The following INPP5A variants were observed in gnomAD, a reference collection of about 807,000 sequenced individuals.
INPP5A encodes the protein 43 kDa inositol polyphosphate 5-phophatase.
INPP5A carries 14 observed loss-of-function variants against 65.2 expected under a neutral mutation model. That is an observed-to-expected ratio of 0.21 (90% CI 0.14 to 0.34). INPP5A has a LOEUF of 0.34. Ranked by LOEUF, INPP5A falls within the 10% of genes least tolerant of loss-of-function variation. The pLI, the probability that INPP5A is intolerant of heterozygous loss-of-function variation, is 1.00. For synonymous variants in INPP5A, 207 were observed against 208.3 expected, an observed-to-expected ratio of 0.99 and a Z score of 0.05; for missense variants, 431 against 545.6, an observed-to-expected ratio of 0.79 and a Z score of 2.09.
Position 132,627,909 on chromosome 10 carries a change from G to GGGTGTGGAGAGAAACTGGAGATAAGGGAC in INPP5A, c.118-17957_118-17929dup, listed in dbSNP as rs1564939979. On this transcript the variant is annotated intron_variant, in intron 2 of 15. Coordinates refer to ENST00000368594, the MANE Select transcript of INPP5A (RefSeq NM_005539.5). The surrounding 1 kb of genome is among the most constrained non-coding windows in gnomAD (Gnocchi z 6.6). The stretch of plus-strand genomic sequence containing the variant: ...GTGCCCAGGCTGGAGTGGCGGCGTC[G>GGGTGTGGAGAGAAACTGGAGATAAGGGAC]GGTGTGGAGAGAAACTGGAGATAAG... 2.6e-5 allele frequency among the ~76,000 whole-genome samples: 4 copies of GGGTGTGGAGAGAAACTGGAGATAAGGGAC among 152,128 alleles called. No homozygotes were observed. Among genetic ancestry groups the GGGTGTGGAGAGAAACTGGAGATAAGGGAC allele is most frequent in the Non-Finnish European group, 5.9e-5 (4 of 68,024 alleles).
Position 132,537,857 on chromosome 10 carries a change from C to G in INPP5A, c.-240C>G, listed in dbSNP as rs1446469447. ...GCGGATCTAATGGCTGCGCGCGGGC[C>G]GCTGTGAGGCGCGGCGGCGAGCGAC... On this transcript the variant is annotated 5_prime_UTR_variant, in exon 1 of 16. Transcript: ENST00000368594. 1 of 341,438 alleles carries G rather than the reference C, an allele frequency of 2.9e-6. No homozygotes were observed. Among genetic ancestry groups the G allele is most frequent in the African/African-American group, 2.2e-5 (1 of 46,126 alleles). The allele number at this position is 341,438 out of a possible 1,614,324, so 21.2% of individuals were successfully genotyped here. A position where few individuals can be genotyped will look rare whatever the true frequency, so the allele number is the denominator to read the frequency against.
At chr10:132,746,362 C>T (rs965711378) in intron 9 of INPP5A, among the ~76,000 whole-genome samples, 3 of 152,158 alleles carry the variant, frequency 2.0e-5, no homozygotes, top group Non-Finnish European at 2.9e-5. Context: ...GCAGAGTGTC[C>T]GGGACAGTTG....
At chr10:132,621,958 A>G (rs981053747) in intron 2 of INPP5A, among the ~76,000 whole-genome samples, 8 of 152,206 alleles carry the variant, frequency 5.3e-5, no homozygotes, top group Admixed American at 1.3e-4. Context: ...TTTGAAAGGA[A>G]GAAATAGAAC....
At chr10:132,652,772 C>T (rs2072594216) in intron 4 of INPP5A, among the ~76,000 whole-genome samples, 1 of 152,232 alleles carries the variant, frequency 6.6e-6, no homozygotes, top group Admixed American at 6.5e-5. Context: ...GTAGGAGTGG[C>T]TGTCTGCATG....
chr10:132,721,362 C>A (rs547622847), intron 8 of INPP5A, among the ~76,000 whole-genome samples: 3 of 146,352 alleles, frequency 2.0e-5, no homozygotes. Flanking sequence ...TTTCTGGGGG[C>A]GCCTTAGACA....
rs1044341059 is a variant in INPP5A at position 132,616,666 on chromosome 10, G to C, written c.117+8710G>C. Among the ~76,000 whole-genome samples, 7 of 151,874 alleles carry C rather than the reference G, an allele frequency of 4.6e-5. No homozygotes were observed. Among genetic ancestry groups the C allele is most frequent in the Admixed American group, 4.6e-4 (7 of 15,248 alleles). ...ACATGGGACATGGTGACAGGGTAGG[G>C]TGTGGTGGTGATGGAGGTGGTGTGG... On this transcript the variant is annotated intron_variant, in intron 2 of 15. Coordinates refer to ENST00000368594, the MANE Select transcript of INPP5A (RefSeq NM_005539.5). The surrounding 1 kb of genome is among the most constrained non-coding windows in gnomAD (Gnocchi z 4.9).
intron 1 of INPP5A, among the ~76,000 whole-genome samples, chr10:132,590,622 C>T (rs569102101): frequency 1.3e-5 from 2 of 152,342 alleles, no homozygotes; most frequent in South Asian, 2.1e-4. Flanking sequence ...TCAAGCGTCG[C>T]GTCTAGAATC....
rs187203749 is a variant in INPP5A at position 132,631,660 on chromosome 10, C to T, written c.118-14208C>T. Among the ~76,000 whole-genome samples, 293 of 152,350 alleles carry T rather than the reference C, an allele frequency of 1.9e-3. 1 individual carries two copies. Among genetic ancestry groups the T allele is most frequent in the Non-Finnish European group, 3.3e-3 (227 of 68,020 alleles). On this transcript the variant is annotated intron_variant, in intron 2 of 15. Transcript: ENST00000368594. ...TGCCGATGGACGTGGCCTGGGCAGG[C>T]CTGTGCTGCCTGTTTCCTGGGAACC...
chr10:132,726,855 T>C lies in INPP5A; in HGVS notation c.682T>C (p.Phe228Leu), dbSNP rs753108691. 6.2e-7 allele frequency: 1 copy of C among 1,610,254 alleles called. No homozygotes were observed. Among genetic ancestry groups the C allele is most frequent in the Non-Finnish European group, 8.5e-7 (1 of 1,177,180 alleles). Residue 228 changes from phenylalanine (F) to leucine (L), a missense_variant, in exon 9 of 16, where the codon TTT becomes CTT. Physicochemically the swap from Phe to Leu is conservative, Grantham distance 22. Coordinates refer to ENST00000368594, the MANE Select transcript of INPP5A (RefSeq NM_005539.5). ...TCAGCGATTCGAGAAGGTTTCCTACTTTGTATTTGGTGATTTCAACTTCCG... is the reference window on the plus strand; with the variant it reads ...TCAGCGATTCGAGAAGGTTTCCTACCTTGTATTTGGTGATTTCAACTTCCG... The part of the protein sequence containing the change: ...IDQRFEKVSY[F>L]VFGDFNFRLD...
At chr10:132,668,791 C>T (rs979566139) in intron 4 of INPP5A, among the ~76,000 whole-genome samples, 6 of 152,204 alleles carry the variant, frequency 3.9e-5, no homozygotes, top group Non-Finnish European at 8.8e-5. Context: ...CCCTGTTGAC[C>T]GTGCTCTGGG....
chr10:132,719,872 G>A (rs559820640), intron 8 of INPP5A, among the ~76,000 whole-genome samples: 217 of 143,980 alleles, frequency 1.5e-3, no homozygotes, highest in Non-Finnish European at 2.4e-3. Context: ...CTGTCTGGGC[G>A]CCTTAGACGG....
Position 132,549,521 on chromosome 10 carries a change from C to T in INPP5A, c.75+11350C>T, listed in dbSNP as rs553470901. On this transcript the variant is annotated intron_variant, in intron 1 of 15. Coordinates refer to ENST00000368594, the MANE Select transcript of INPP5A (RefSeq NM_005539.5). This position sits in a 1 kb window ranked among gnomAD's most constrained non-coding sequence, Gnocchi z 4.9. The stretch of plus-strand genomic sequence containing the variant: ...ATGGCTTTGACAGCTGGATGACAGA[C>T]GGTGTTGGCGGGCTGCCCTCTGCCC... Among the ~76,000 whole-genome samples the T allele has an allele frequency of 1.4e-4, 21 of 152,324 alleles. No homozygotes were observed. The highest frequency in any genetic ancestry group is 7.7e-4 in the East Asian group (4 of 5,194).
intron 4 of INPP5A, among the ~76,000 whole-genome samples, chr10:132,654,632 G>A (rs1265772983): frequency 6.6e-6 from 1 of 152,244 alleles, no homozygotes. Flanking sequence ...TCAGAGGGAG[G>A]AAAATTTAAT....
In INPP5A at chr10:132,547,008, T is replaced by G. The variant is rs149097957; in HGVS notation, c.75+8837T>G. Reference sequence around the variant, plus strand: ...CTCCCCTCTCGGGGTCCCGCATGACTGGTCCTCATTCCAGGAACCAGAGGA... The same window carrying G: ...CTCCCCTCTCGGGGTCCCGCATGACGGGTCCTCATTCCAGGAACCAGAGGA... On this transcript the variant is annotated intron_variant, in intron 1 of 15. Coordinates refer to ENST00000368594, the MANE Select transcript of INPP5A (RefSeq NM_005539.5). This position sits in a 1 kb window ranked among gnomAD's most constrained non-coding sequence, Gnocchi z 5.5. Among the ~76,000 whole-genome samples the G allele has an allele frequency of 6.6e-3, 1,011 of 152,324 alleles. 14 individuals are homozygous for G. The highest frequency in any genetic ancestry group is 0.022 in the African/African-American group (910 of 41,576).
At chr10:132,613,084 ACATGT>A (rs1190892632) in intron 2 of INPP5A, among the ~76,000 whole-genome samples, 1 of 152,300 alleles carries the variant, frequency 6.6e-6, no homozygotes, top group East Asian at 1.9e-4. Context: ...ATCCCCACGT[ACATGT>A]CCCATTTCTT....
At chr10:132,689,447 T>G (rs545996978) in intron 4 of INPP5A, among the ~76,000 whole-genome samples, 3 of 152,324 alleles carry the variant, frequency 2.0e-5, no homozygotes, top group African/African-American at 7.2e-5. Flanking sequence ...GAGATAGGTT[T>G]GTTTGTTAAG....
intron 11 of INPP5A, among the ~76,000 whole-genome samples, chr10:132,754,590 C>T (rs545504118): frequency 6.6e-6 from 1 of 152,356 alleles, no homozygotes; most frequent in East Asian, 1.9e-4. Flanking sequence ...AAACCACACA[C>T]GAATTTCCTT....
At chr10:132,579,495 G>A (rs1276313716) in intron 1 of INPP5A, among the ~76,000 whole-genome samples, 1 of 152,166 alleles carries the variant, frequency 6.6e-6, no homozygotes, top group Non-Finnish European at 1.5e-5. Context: ...CCAAGGAGTG[G>A]ACTCTGGGCA....
intron 1 of INPP5A, among the ~76,000 whole-genome samples, chr10:132,557,731 C>T (rs771080819): frequency 6.6e-6 from 1 of 152,166 alleles, no homozygotes; most frequent in Non-Finnish European, 1.5e-5. Context: ...CCGAGTGTCT[C>T]GGGCTGCAGG....
Sources: allele counts gnomAD v4.1 joint callset (sites outside exome capture counted in the v4.1 genomes callset), GRCh38; gene constraint gnomAD v4.1.1; non-coding constraint Gnocchi (gnomAD v3.1); transcripts MANE v1.5; gene names NCBI Gene and HGNC (gene_info 2026-07-23, HGNC 2026-07-21).